The following SPART variants were observed in gnomAD, a reference collection of about 807,000 sequenced individuals.
SPART encodes the protein spastic paraplegia 20 (Troyer syndrome).
In SPART, 35 loss-of-function variants were observed where a neutral mutation model predicts 58.7. The observed-to-expected ratio is 0.60, with a 90% CI of 0.46 to 0.79. SPART has a LOEUF of 0.79. Ranked by LOEUF, SPART falls within the 30% of genes least tolerant of loss-of-function variation. The pLI, the probability that SPART is intolerant of heterozygous loss-of-function variation, is 0.00. For missense variants in SPART, 730 were observed against 786.1 expected (o/e 0.93, Z 0.85); for synonymous variants, 284 against 280.7 (o/e 1.01, Z -0.12).
chr13:36,321,528 C>A (rs576500373), intron 5 of SPART, among the ~76,000 whole-genome samples: 2,929 of 152,132 alleles, frequency 0.019, 81 homozygotes, highest in African/African-American at 0.066. Context: ...AATGTTTCTT[C>A]TAACAACCCC....
chr13:36,332,268 G>A (rs991382874), intron 2 of SPART, among the ~76,000 whole-genome samples: 9 of 152,134 alleles, frequency 5.9e-5, no homozygotes, highest in African/African-American at 2.2e-4. Flanking sequence ...AAGGAGAGGT[G>A]GGGGGATTAT....
chr13:36,330,057 CAT>C (rs1168920865), intron 3 of SPART, among the ~76,000 whole-genome samples: 1 of 152,126 alleles, frequency 6.6e-6, no homozygotes, highest in Non-Finnish European at 1.5e-5. Flanking sequence ...CTAAAAATAA[CAT>C]ACAAATACCA....
At position 36,319,092 on chromosome 13, in the gene SPART, A is replaced by T. The variant is rs1882070269; in HGVS notation, c.1289-4671T>A. Reference sequence around the variant, plus strand: ...CCTTGCCTCCATAACTGTTGTGGGTATTGACGGCCAGGCTTCTAAACCTCT... The same window carrying T: ...CCTTGCCTCCATAACTGTTGTGGGTTTTGACGGCCAGGCTTCTAAACCTCT... On this transcript the variant is annotated intron_variant, in intron 5 of 8. Transcript: ENST00000438666. 4.6e-5 allele frequency among the ~76,000 whole-genome samples: 7 copies of T among 151,776 alleles called. No individual in the cohort carries two copies. The South Asian group carries it at 1.3e-3, about 27-fold the overall frequency.
intron 5 of SPART, chr13:36,326,360 G>T: frequency 1.8e-6 from 1 of 564,438 alleles, no homozygotes; most frequent in Non-Finnish European, 3.1e-6. Flanking sequence ...TTTCCCAATA[G>T]TAGAACAGAA....
intron 1 of SPART, among the ~76,000 whole-genome samples, chr13:36,363,728 C>T (rs767776225): frequency 4.0e-5 from 6 of 151,888 alleles, no homozygotes; most frequent in Admixed American, 6.6e-5. Context: ...CATGCCTCAG[C>T]GTCTCAGCAG....
chr13:36,330,035 C>G (rs1350723588), intron 3 of SPART, among the ~76,000 whole-genome samples: 1 of 152,048 alleles, frequency 6.6e-6, no homozygotes, highest in Non-Finnish European at 1.5e-5. Context: ...AGTTCTGGGA[C>G]AGTAAAGCAA....
chr13:36,319,368 A>G (rs374921778), intron 5 of SPART, among the ~76,000 whole-genome samples: 1,529 of 145,360 alleles, frequency 0.011, 23 homozygotes, highest in African/African-American at 0.025. Flanking sequence ...CCTTCTTGGC[A>G]ACCGATCATG....
At chr13:36,307,222 A>G (rs1463579565) in intron 8 of SPART, among the ~76,000 whole-genome samples, 1 of 152,122 alleles carries the variant, frequency 6.6e-6, no homozygotes, top group African/African-American at 2.4e-5. Context: ...AACACTACCA[A>G]TTGAAAAATA....
At chr13:36,345,244 A>G (rs1235146784) in intron 1 of SPART, among the ~76,000 whole-genome samples, 1 of 152,196 alleles carries the variant, frequency 6.6e-6, no homozygotes, top group Non-Finnish European at 1.5e-5. Context: ...ATAGACAACG[A>G]CGTTTCAGAG....
chr13:36,356,371 T>C (rs1885622925), intron 1 of SPART, among the ~76,000 whole-genome samples: 1 of 152,206 alleles, frequency 6.6e-6, no homozygotes, highest in Non-Finnish European at 1.5e-5. Context: ...TCATCCATCA[T>C]TGGGTCAGGG....
chr13:36,325,841 T>C (rs1481721221), intron 5 of SPART: 1 of 152,364 alleles, frequency 6.6e-6, no homozygotes. Context: ...CTTCCAAAGA[T>C]GGATGAACAT....
At chr13:36,338,953 T>C (rs765028432) in intron 1 of SPART, among the ~76,000 whole-genome samples, 12 of 151,980 alleles carry the variant, frequency 7.9e-5, no homozygotes, top group Non-Finnish European at 1.5e-4. Flanking sequence ...AGCTTTCTAG[T>C]GCTTCACTCA....
chr13:36,333,194 T>G (rs934236689), intron 2 of SPART, among the ~76,000 whole-genome samples: 1 of 152,064 alleles, frequency 6.6e-6, no homozygotes, highest in African/African-American at 2.4e-5. Context: ...TTTTCCCAGT[T>G]TCATTTTCAG....
At chr13:36,320,977 C>T (rs188353489) in intron 5 of SPART, among the ~76,000 whole-genome samples, 2,546 of 152,284 alleles carry the variant, frequency 0.017, 35 homozygotes, top group Middle Eastern at 0.061. Context: ...CTTTTAAAAA[C>T]ACACCTCACC....
chr13:36,315,859 G>C (rs954322183), intron 5 of SPART, among the ~76,000 whole-genome samples: 3 of 152,038 alleles, frequency 2.0e-5, no homozygotes, highest in Non-Finnish European at 4.4e-5. Context: ...GAAATAACAG[G>C]GATGAAGTCA....
intron 1 of SPART, among the ~76,000 whole-genome samples, chr13:36,355,387 C>T (rs1885583161): frequency 1.3e-5 from 2 of 152,020 alleles, no homozygotes; most frequent in African/African-American, 4.8e-5. Context: ...ATTCTGAGTG[C>T]CAGAAAGGAA....
chr13:36,317,390 G>A (rs1034213640), intron 5 of SPART, among the ~76,000 whole-genome samples: 7 of 151,732 alleles, frequency 4.6e-5, no homozygotes, highest in South Asian at 2.1e-4. Flanking sequence ...CCCCAACCTC[G>A]TATCTCTGTG....
At chr13:36,351,381 A>G (rs1006972111), upstream of SPART, among the ~76,000 whole-genome samples, 1 of 151,936 alleles carries the variant, frequency 6.6e-6, no homozygotes, top group African/African-American at 2.4e-5. Flanking sequence ...TCTTGCTGAC[A>G]TTCTTTAATG....
chr13:36,314,554 C>G, intron 5 of SPART, 133 bp from the exon 6 acceptor site: 2 of 910,142 alleles, frequency 2.2e-6, no homozygotes, highest in Non-Finnish European at 3.4e-6. Flanking sequence ...ATGTCATAAA[C>G]TTTCAAGCTA....
Sources: gnomAD v4.1 joint callset for allele counts (sites outside exome capture counted in the v4.1 genomes callset) on GRCh38, gnomAD v4.1.1 for gene constraint, MANE v1.5 for transcripts, NCBI Gene and HGNC (gene_info 2026-07-23, HGNC 2026-07-21) for gene names.